Variants in DIAPH2 observed in about 807,000 individuals in gnomAD.
DIAPH2 encodes protein diaphanous homolog 2.
In DIAPH2, 35 loss-of-function variants were observed where a neutral mutation model predicts 92.7. The ratio of observed to expected loss-of-function variants is 0.38; its 90% CI spans 0.29 to 0.50. The LOEUF (loss-of-function observed/expected upper bound fraction) is 0.50, where lower values mean the gene tolerates loss of function less well. DIAPH2 is among the 20% of genes least tolerant of loss of function. The pLI is 0.94. For missense variants in DIAPH2, 701 were observed against 819.5 expected (o/e 0.86, Z 1.77); for synonymous variants, 301 against 280.4 (o/e 1.07, Z -0.73).
intron 1 of DIAPH2, among the ~76,000 whole-genome samples, chrX:96,695,034 A>T (rs781125673): frequency 2.4e-4 from 24 of 98,888 alleles, no homozygotes; most frequent in African/African-American, 7.3e-4. Context: ...TGCAACCTCC[A>T]CTTCTTGGGT....
chrX:97,254,492 C>CAAAAA (rs1172020847), intron 23 of DIAPH2, among the ~76,000 whole-genome samples: 17 of 29,048 alleles, frequency 5.9e-4, no homozygotes, highest in African/African-American at 1.9e-3. Context: ...AACTCTGTCT[C>CAAAAA]AAAAAAAAAA....
rs192484862 is a variant in DIAPH2, at chrX:97,094,069, T to G, written c.2248-5625T>G. Among the ~76,000 whole-genome samples, 13 of 111,665 alleles carry G rather than the reference T, an allele frequency of 1.2e-4. No individual in the cohort carries two copies. In the East Asian group the frequency reaches 3.4e-3, roughly 29 times the overall value. ...AGTTCTGTTGGCAGAATGAAGCCAT[T>G]AGGAGACGCTGATAAGGTGTAGGGA... On this transcript the variant is annotated intron_variant, in intron 19 of 26. Coordinates refer to ENST00000324765, the MANE Select transcript of DIAPH2 (RefSeq NM_006729.5).
chrX:97,364,015 A>G (rs999657596), intron 24 of DIAPH2, among the ~76,000 whole-genome samples: 2 of 112,271 alleles, frequency 1.8e-5, no homozygotes, highest in Non-Finnish European at 1.9e-5. Flanking sequence ...TATTACATAC[A>G]TGCCCTTTAA....
intron 4 of DIAPH2, among the ~76,000 whole-genome samples, chrX:96,840,206 A>C (rs1359981242): frequency 8.9e-6 from 1 of 111,993 alleles, no homozygotes; most frequent in Non-Finnish European, 1.9e-5. Flanking sequence ...ACATGTGACT[A>C]ATGACTTCCA....
chrX:96,717,698 G>A (rs1302972338), intron 1 of DIAPH2, among the ~76,000 whole-genome samples: 1 of 103,123 alleles, frequency 9.7e-6, no homozygotes, highest in African/African-American at 3.5e-5. Flanking sequence ...TTATCACACT[G>A]GCTTTCAGTA....
chrX:97,272,418 T>A (rs2068397160), intron 23 of DIAPH2, among the ~76,000 whole-genome samples: 2 of 112,000 alleles, frequency 1.8e-5, no homozygotes, highest in South Asian at 7.4e-4. Context: ...GATAGAAAAC[T>A]TTAATGTAAA....
chrX:97,066,270 T>C (rs886482781), intron 17 of DIAPH2, among the ~76,000 whole-genome samples: 1 of 112,067 alleles, frequency 8.9e-6, no homozygotes, highest in African/African-American at 3.2e-5. Context: ...TTTTTATCTT[T>C]TATATCATAA....
At chrX:96,888,590 TAC>T (rs1556283017) in intron 5 of DIAPH2, among the ~76,000 whole-genome samples, 48 of 98,494 alleles carry the variant, frequency 4.9e-4, no homozygotes, top group Admixed American at 9.3e-4. Context: ...TCTATATATA[TAC>T]AGATATATAT....
chrX:97,334,185 G>A (rs1413006457), intron 23 of DIAPH2, among the ~76,000 whole-genome samples: 7 of 109,828 alleles, frequency 6.4e-5, no homozygotes, highest in Non-Finnish European at 1.3e-4. Context: ...CATTGAGGCC[G>A]GGCACAGTGG....
At chrX:97,374,546 T>G (rs138244196) in intron 24 of DIAPH2, among the ~76,000 whole-genome samples, 1,698 of 111,928 alleles carry the variant, frequency 0.015, 28 homozygotes, top group African/African-American at 0.051. Flanking sequence ...AAAGGTCACT[T>G]GTACCATAAT....
At chrX:96,836,127 G>A (rs371910675) in intron 4 of DIAPH2, among the ~76,000 whole-genome samples, 1 of 109,046 alleles carries the variant, frequency 9.2e-6, no homozygotes, top group African/African-American at 3.4e-5. Context: ...ATTTACATAG[G>A]TTTTTGGAGA....
intron 23 of DIAPH2, among the ~76,000 whole-genome samples, chrX:97,327,478 G>A (rs2068961697): frequency 9.0e-6 from 1 of 111,081 alleles, no homozygotes. Context: ...TGTCGCCCAG[G>A]CTGGATTGCA....
intron 1 of DIAPH2, among the ~76,000 whole-genome samples, chrX:96,708,653 G>T (rs754454318): frequency 8.0e-5 from 9 of 112,210 alleles, no homozygotes; most frequent in Non-Finnish European, 1.5e-4. Context: ...AATTATTTTT[G>T]AATGTACTTT....
At chrX:97,293,836 C>T (rs1451695283) in intron 23 of DIAPH2, among the ~76,000 whole-genome samples, 1 of 111,506 alleles carries the variant, frequency 9.0e-6, no homozygotes, top group Non-Finnish European at 1.9e-5. Context: ...TTGTTTGTTC[C>T]TAATTTGTAC....
chrX:96,857,838 C>T (rs941659820), intron 4 of DIAPH2, among the ~76,000 whole-genome samples: 26 of 112,110 alleles, frequency 2.3e-4, no homozygotes, highest in Non-Finnish European at 2.6e-4. Flanking sequence ...ATGGTTGTTA[C>T]GAGGATCAAA....
chrX:97,568,276 A>G (rs770850375), intron 26 of DIAPH2, among the ~76,000 whole-genome samples: 2 of 110,787 alleles, frequency 1.8e-5, no homozygotes, highest in South Asian at 7.8e-4. Flanking sequence ...AAACCGTTTG[A>G]GGGTTTATTT....
At chrX:97,499,281 A>G (rs1454868385) in intron 26 of DIAPH2, among the ~76,000 whole-genome samples, 1 of 112,214 alleles carries the variant, frequency 8.9e-6, no homozygotes, top group African/African-American at 3.2e-5. Flanking sequence ...TTTATAAACC[A>G]AATGCTGTAT....
chrX:97,539,906 G>A (rs2071126854), intron 26 of DIAPH2, among the ~76,000 whole-genome samples: 2 of 111,559 alleles, frequency 1.8e-5, no homozygotes, highest in African/African-American at 6.5e-5. Flanking sequence ...ATGTTATAAG[G>A]ATATAATACT....
intron 26 of DIAPH2, among the ~76,000 whole-genome samples, chrX:97,589,067 T>C (rs1405867203): frequency 2.3e-5 from 2 of 86,154 alleles, no homozygotes; most frequent in Non-Finnish European, 4.5e-5. Flanking sequence ...CCTGTAATCC[T>C]AGCACTTTGG....
Sources: allele counts gnomAD v4.1 joint callset (sites outside exome capture counted in the v4.1 genomes callset), GRCh38; gene constraint gnomAD v4.1.1; transcripts MANE v1.5; gene names NCBI Gene and HGNC (gene_info 2026-07-23, HGNC 2026-07-21).